Variants in PSMC2 observed in about 807,000 individuals in gnomAD.
PSMC2 encodes the protein 26S proteasome regulatory subunit 7.
A neutral mutation model predicts 53.3 loss-of-function variants in PSMC2; 7 were observed. That is an observed-to-expected ratio of 0.13 (90% confidence interval 0.07 to 0.25). The LOEUF is 0.25. Among genes scored for constraint, PSMC2 ranks in the 10% least tolerant of loss-of-function variants. The probability of loss-of-function intolerance (pLI) is 1.00; values close to 1 mark genes in which losing one functional copy is unlikely to be tolerated. For missense variants in PSMC2, 241 were observed against 544.0 expected (o/e 0.44, Z 5.54); for synonymous variants, 169 against 183.9 (o/e 0.92, Z 0.66).
intron 1 of PSMC2, among the ~76,000 whole-genome samples, chr7:103,350,160 C>T (rs1819696210): frequency 6.6e-6 from 1 of 152,126 alleles, no homozygotes; most frequent in Non-Finnish European, 1.5e-5. Flanking sequence ...TGCTAATATC[C>T]ATTTTATCTT....
rs758603865 is a variant in PSMC2, at chr7:103,367,967, C to T, written c.1215C>T (p.Thr405=). The T allele has an allele frequency of 1.1e-5, 18 of 1,613,954 alleles. No homozygotes were observed. The highest frequency in any genetic ancestry group is 3.3e-5 in the Admixed American group (2 of 59,994). ...FAIRARRKIA[T]EKDFLEAVNK... is the part of the protein sequence containing the mutation. ...TCAGAGCACGGCGAAAAATTGCTAC[C>T]GAGAAGGATTTCTTGGAAGCTGTAA... Residue 405 remains threonine, a synonymous_variant, in exon 12 of 12, where the codon ACC becomes ACT. Coordinates refer to ENST00000292644, the MANE Select transcript of PSMC2 (RefSeq NM_002803.4). This position sits in a 1 kb window ranked among gnomAD's most constrained non-coding sequence, Gnocchi z 6.1.
In PSMC2 at chr7:103,367,361, G is replaced by A. The variant is rs1820770200; in HGVS notation, c.845-52G>A. The A allele has an allele frequency of 5.7e-6, 9 of 1,576,456 alleles. No individual in the cohort carries two copies. In the Admixed American group the frequency reaches 1.5e-4, roughly 26 times the overall value. On this transcript the variant is annotated intron_variant, in intron 9 of 11. Transcript: ENST00000292644. The surrounding 1 kb of genome is among the most constrained non-coding windows in gnomAD (Gnocchi z 6.1). The stretch of plus-strand genomic sequence containing the variant: ...TTTTGGTACTTTCAGGTCATGCATA[G>A]TGCTACTCTTGAGTGGACTTGAAGA...
chr7:103,360,035 C>T (rs945289776), intron 4 of PSMC2, among the ~76,000 whole-genome samples: 5 of 151,378 alleles, frequency 3.3e-5, no homozygotes, highest in South Asian at 2.1e-4. Context: ...GAGTCAAGAT[C>T]GCGCCACTGC....
intron 4 of PSMC2, among the ~76,000 whole-genome samples, chr7:103,358,876 C>A (rs1005851204): frequency 5.3e-5 from 8 of 152,014 alleles, no homozygotes; most frequent in Admixed American, 2.0e-4. Context: ...AGATCCCAGG[C>A]CTTAAAGAAA....
In PSMC2 at chr7:103,354,943, C is replaced by G; in HGVS notation, c.184C>G (p.Leu62Val). 1 of 1,597,808 alleles carries G rather than the reference C, an allele frequency of 6.3e-7. No individual in the cohort carries two copies. Among genetic ancestry groups the G allele is most frequent in the Non-Finnish European group, 8.6e-7 (1 of 1,165,526 alleles). The change falls in exon 3 of 12, where the codon CTC becomes GTC. Residue 62 changes from leucine to valine, a missense_variant. This residue lies in a region of PSMC2 where 75 missense variants were observed against 185.1 expected (regional missense o/e 0.41). Coordinates refer to ENST00000292644, the MANE Select transcript of PSMC2 (RefSeq NM_002803.4). ...GCAACTTCTCAAGAAAATTAATGAG[C>G]TCACTGGTATGTATTTTTAAATTCC... ...IQQLLKKINELTGIKESDTGL... is the reference protein window; with the variant it reads ...IQQLLKKINEVTGIKESDTGL...
intron 4 of PSMC2, among the ~76,000 whole-genome samples, chr7:103,357,087 A>T (rs750694787): frequency 6.6e-5 from 10 of 152,124 alleles, no homozygotes; most frequent in Non-Finnish European, 1.3e-4. Flanking sequence ...GCACTTTGGG[A>T]GGCCCAGGCA....
intron 7 of PSMC2, among the ~76,000 whole-genome samples, chr7:103,363,798 T>A (rs1005955619): frequency 4.6e-5 from 7 of 152,160 alleles, no homozygotes; most frequent in Admixed American, 3.3e-4. Flanking sequence ...CTTGGGAGGA[T>A]AATGGAAAAC....
At chr7:103,365,184 A>G (rs1273527778) in intron 8 of PSMC2, among the ~76,000 whole-genome samples, 1 of 152,040 alleles carries the variant, frequency 6.6e-6, no homozygotes, top group Non-Finnish European at 1.5e-5. Flanking sequence ...TTTACTAATT[A>G]GAATGGTTCC....
rs1348721355 is a variant in PSMC2, at chr7:103,369,392, C to G, written c.*1338C>G. 6.6e-6 allele frequency: 1 copy of G among 152,180 alleles called. No individual in the cohort carries two copies. The highest frequency in any genetic ancestry group is 6.5e-5 in the Admixed American group (1 of 15,282). 9.4% of individuals were successfully genotyped at this position (152,180 alleles called of 1,614,324 possible). ...ATTAAATAAATGTACACATTTAGAA[C>G]ACACTCTGAAGTCTTTCCACTTTGT... is the stretch of plus-strand genomic sequence containing the variant. On this transcript the variant is annotated 3_prime_UTR_variant, in exon 12 of 12. Coordinates refer to ENST00000292644, the MANE Select transcript of PSMC2 (RefSeq NM_002803.4).
intron 1 of PSMC2, among the ~76,000 whole-genome samples, chr7:103,351,818 G>T (rs1819747750): frequency 6.6e-6 from 1 of 151,932 alleles, no homozygotes; most frequent in South Asian, 2.1e-4. Context: ...CCAAAGCCTG[G>T]GCATCATGTT....
intron 1 of PSMC2, 91 bp from the exon 2 acceptor site, chr7:103,353,825 AATTTG>A (rs1338293513): frequency 1.9e-6 from 2 of 1,064,448 alleles, no homozygotes; most frequent in Non-Finnish European, 2.8e-6. Context: ...CACTTAAAAC[AATTTG>A]AATCGAACAG....
At chr7:103,358,471 C>A (rs1210798661) in intron 4 of PSMC2, among the ~76,000 whole-genome samples, 2 of 152,134 alleles carry the variant, frequency 1.3e-5, no homozygotes, top group African/African-American at 2.4e-5. Flanking sequence ...GATTGCTCCT[C>A]TAATTTGCTA....
chr7:103,363,737 G>C (rs1056720330), intron 7 of PSMC2, among the ~76,000 whole-genome samples: 1 of 152,174 alleles, frequency 6.6e-6, no homozygotes, highest in South Asian at 2.1e-4. Flanking sequence ...GAAGAAACTG[G>C]TTCTTCAAAA....
At chr7:103,364,424 G>A (rs1247599521) in intron 8 of PSMC2, 117 bp downstream of exon 8, 1 of 1,186,878 alleles carries the variant, frequency 8.4e-7, no homozygotes, top group African/African-American at 1.5e-5. Context: ...TTTTTCTTTT[G>A]TTGAGACAGA....
At chr7:103,358,734 T>TA (rs1820185945) in intron 4 of PSMC2, among the ~76,000 whole-genome samples, 1 of 152,128 alleles carries the variant, frequency 6.6e-6, no homozygotes, top group South Asian at 2.1e-4. Context: ...TATGGTAAAT[T>TA]AAAAAATCTA....
At chr7:103,353,632 T>C (rs1227666875) in intron 1 of PSMC2, among the ~76,000 whole-genome samples, 1 of 152,244 alleles carries the variant, frequency 6.6e-6, no homozygotes, top group East Asian at 1.9e-4. Flanking sequence ...TGTATGACTA[T>C]GGTATAATTT....
intron 4 of PSMC2, among the ~76,000 whole-genome samples, chr7:103,361,510 C>CAAAAAAAA (rs759044767): frequency 2.6e-3 from 133 of 50,836 alleles, no homozygotes; most frequent in African/African-American, 3.0e-3. Flanking sequence ...AACTCCATCT[C>CAAAAAAAA]AAAAAAAAAA....
intron 1 of PSMC2, among the ~76,000 whole-genome samples, chr7:103,353,499 G>A (rs1165905262): frequency 4.6e-5 from 7 of 152,264 alleles, no homozygotes; most frequent in Admixed American, 4.6e-4. Flanking sequence ...TAGAGACGGG[G>A]TTTCGCCAGG....
chr7:103,367,922 A>G lies in PSMC2; in HGVS notation c.1170A>G (p.Thr390=). Residue 390 remains threonine (T), a synonymous_variant, in exon 12 of 12, where the codon ACA becomes ACG. Coordinates refer to ENST00000292644, the MANE Select transcript of PSMC2 (RefSeq NM_002803.4). The surrounding 1 kb of genome is among the most constrained non-coding windows in gnomAD (Gnocchi z 6.1). ...STGAEIRSVC[T]EAGMFAIRAR... ...GTGCTGAGATTAGAAGCGTCTGCACAGAGGCTGGTATGTTTGCCATCAGAG... is the reference window on the plus strand; with the variant it reads ...GTGCTGAGATTAGAAGCGTCTGCACGGAGGCTGGTATGTTTGCCATCAGAG... 6.2e-7 allele frequency: 1 copy of G among 1,614,038 alleles called. No individual in the cohort carries two copies. Among genetic ancestry groups the G allele is most frequent in the Non-Finnish European group, 8.5e-7 (1 of 1,179,994 alleles).
Sources: gnomAD v4.1 joint callset for allele counts (sites outside exome capture counted in the v4.1 genomes callset) on GRCh38, gnomAD v4.1.1 for gene constraint, gnomAD v4.1.1 regional missense constraint, Gnocchi (gnomAD v3.1) non-coding constraint, MANE v1.5 for transcripts, NCBI Gene and HGNC (gene_info 2026-07-23, HGNC 2026-07-21) for gene names.